Variants in PRKG1 observed in about 807,000 individuals in gnomAD.
The protein encoded by PRKG1 is protein kinase cGMP-dependent 1.
In PRKG1, 35 loss-of-function variants were observed where a neutral mutation model predicts 88.1. The ratio of observed to expected loss-of-function variants is 0.40; its 90% CI spans 0.30 to 0.53. The LOEUF (loss-of-function observed/expected upper bound fraction) is 0.53, where lower values mean the gene tolerates loss of function less well. Among genes scored for constraint, PRKG1 ranks in the 20% least tolerant of loss-of-function variants. The probability of loss-of-function intolerance (pLI) is 0.59; values close to 1 mark genes in which losing one functional copy is unlikely to be tolerated. For missense variants in PRKG1, 540 were observed against 839.8 expected (o/e 0.64, Z 4.41); for synonymous variants, 303 against 292.5 (o/e 1.04, Z -0.37).
intron 2 of PRKG1, among the ~76,000 whole-genome samples, chr10:51,282,018 G>A (rs892428330): frequency 2.0e-5 from 3 of 152,126 alleles, no homozygotes; most frequent in Admixed American, 2.0e-4. Context: ...ATGGCTAGTT[G>A]CAAACTATTC....
chr10:51,999,753 A>C (rs1302538226), intron 5 of PRKG1, among the ~76,000 whole-genome samples: 1 of 152,110 alleles, frequency 6.6e-6, no homozygotes, highest in Non-Finnish European at 1.5e-5. Flanking sequence ...AATTTATAAA[A>C]ATTCAGGTAC....
Position 51,808,392 on chromosome 10 carries a change from T to A in PRKG1, c.698+3702T>A, listed in dbSNP as rs754019168. Among the ~76,000 whole-genome samples, 9 of 151,898 alleles carry A rather than the reference T, an allele frequency of 5.9e-5. No homozygotes were observed. In the South Asian group the frequency reaches 1.0e-3, roughly 18 times the overall value. On this transcript the variant is annotated intron_variant, in intron 4 of 17. Transcript: ENST00000373980. ...TGGGCGGATTGTTTGAGCTCAGGAGTTTGAAACCAGCTTGGTCAACATGTG... is the reference window on the plus strand; with the variant it reads ...TGGGCGGATTGTTTGAGCTCAGGAGATTGAAACCAGCTTGGTCAACATGTG...
intron 3 of PRKG1, among the ~76,000 whole-genome samples, chr10:51,740,563 T>C (rs1191172030): frequency 6.6e-6 from 1 of 152,220 alleles, no homozygotes; most frequent in East Asian, 1.9e-4. Flanking sequence ...TATCTACTTT[T>C]CATTCTTTCT....
At chr10:51,223,617 A>G (rs1369700477) in intron 2 of PRKG1, among the ~76,000 whole-genome samples, 1 of 152,244 alleles carries the variant, frequency 6.6e-6, no homozygotes, top group East Asian at 1.9e-4. Context: ...ATATTTCTAC[A>G]GACATAAATT....
At chr10:51,196,297 G>A in intron 2 of PRKG1, among the ~76,000 whole-genome samples, 1 of 152,116 alleles carries the variant, frequency 6.6e-6, no homozygotes, top group East Asian at 1.9e-4. Context: ...GCATGTATTT[G>A]AAGGCTTATA....
At chr10:51,664,682 CA>C (rs1840380617) in intron 3 of PRKG1, among the ~76,000 whole-genome samples, 2 of 152,062 alleles carry the variant, frequency 1.3e-5, no homozygotes, top group Admixed American at 1.3e-4. Context: ...AGAAAGATCT[CA>C]AAACTCCATC....
At chr10:51,235,604 T>A (rs1403144221) in intron 2 of PRKG1, among the ~76,000 whole-genome samples, 1 of 152,220 alleles carries the variant, frequency 6.6e-6, no homozygotes, top group Non-Finnish European at 1.5e-5. Context: ...TTATGATGAC[T>A]TTTTAATTTA....
chr10:51,092,998 C>T lies in PRKG1; in HGVS notation c.311+18097C>T, dbSNP rs75885271. 4.7e-3 allele frequency among the ~76,000 whole-genome samples: 718 copies of T among 152,234 alleles called. 6 individuals are homozygous for T. Among genetic ancestry groups the T allele is most frequent in the African/African-American group, 0.016 (674 of 41,538 alleles). On this transcript the variant is annotated intron_variant, in intron 1 of 17. Coordinates refer to ENST00000373980, the MANE Select transcript of PRKG1 (RefSeq NM_006258.4). ...AAGGATTTAGAGGATTTTATAAAAACGCATGTGATGCAACAGGATTTTCAA... is the reference window on the plus strand; with the variant it reads ...AAGGATTTAGAGGATTTTATAAAAATGCATGTGATGCAACAGGATTTTCAA...
chr10:51,129,640 A>G (rs746315516), intron 1 of PRKG1, among the ~76,000 whole-genome samples: 4 of 152,154 alleles, frequency 2.6e-5, no homozygotes, highest in Non-Finnish European at 5.9e-5. Context: ...AGTCTTTGGA[A>G]TTTAAACTTG....
chr10:51,483,679 G>T (rs1333365909), intron 3 of PRKG1, among the ~76,000 whole-genome samples: 2 of 152,142 alleles, frequency 1.3e-5, no homozygotes, highest in East Asian at 3.9e-4. Flanking sequence ...GGCCTTCAAG[G>T]TTGTTGACTT....
At chr10:52,072,566 A>G (rs568601236) in intron 7 of PRKG1, among the ~76,000 whole-genome samples, 13 of 152,328 alleles carry the variant, frequency 8.5e-5, no homozygotes, top group Admixed American at 7.8e-4. Context: ...TCCCTTGGAC[A>G]AAAGTAAACT....
At chr10:52,044,537 T>C (rs1005148286) in intron 5 of PRKG1, among the ~76,000 whole-genome samples, 1 of 152,186 alleles carries the variant, frequency 6.6e-6, no homozygotes, top group African/African-American at 2.4e-5. Flanking sequence ...TGAAAGTTTA[T>C]GGCTTTTGTA....
intron 2 of PRKG1, among the ~76,000 whole-genome samples, chr10:51,271,355 A>G (rs1480932824): frequency 6.6e-6 from 1 of 151,748 alleles, no homozygotes; most frequent in African/African-American, 2.4e-5. Flanking sequence ...CTAGTTTCCC[A>G]TGGATACAGA....
At chr10:51,310,281 G>T (rs1309994004) in intron 2 of PRKG1, among the ~76,000 whole-genome samples, 3 of 152,120 alleles carry the variant, frequency 2.0e-5, no homozygotes, top group Non-Finnish European at 4.4e-5. Context: ...TTGGAACACA[G>T]CTCTCACCTG....
chr10:51,531,787 G>A (rs1459447329), intron 3 of PRKG1, among the ~76,000 whole-genome samples: 5 of 151,542 alleles, frequency 3.3e-5, no homozygotes, highest in African/African-American at 4.9e-5. Context: ...TGGGATTACA[G>A]GCTCCCGACA....
chr10:51,348,685 G>T (rs1842168997), intron 2 of PRKG1, among the ~76,000 whole-genome samples: 1 of 152,180 alleles, frequency 6.6e-6, no homozygotes, highest in Admixed American at 6.5e-5. Context: ...AGTCTAGTGA[G>T]AACTCGACCT....
At chr10:52,158,410 A>G (rs1838184288) in intron 8 of PRKG1, among the ~76,000 whole-genome samples, 1 of 151,598 alleles carries the variant, frequency 6.6e-6, no homozygotes, top group African/African-American at 2.4e-5. Flanking sequence ...TGTCTATTTG[A>G]TGAGGGTTCA....
intron 3 of PRKG1, among the ~76,000 whole-genome samples, chr10:51,670,015 C>A (rs1263015131): frequency 1.3e-5 from 2 of 151,930 alleles, no homozygotes; most frequent in Non-Finnish European, 2.9e-5. Flanking sequence ...GCCTATGATT[C>A]TTTGTTTTTA....
intron 1 of PRKG1, among the ~76,000 whole-genome samples, chr10:51,142,893 T>A (rs1479838645): frequency 6.6e-6 from 1 of 152,150 alleles, no homozygotes; most frequent in Non-Finnish European, 1.5e-5. Flanking sequence ...TCATGTACAA[T>A]ATGATGTTTT....
Sources: allele counts gnomAD v4.1 joint callset (sites outside exome capture counted in the v4.1 genomes callset), GRCh38; gene constraint gnomAD v4.1.1; transcripts MANE v1.5; gene names NCBI Gene and HGNC (gene_info 2026-07-23, HGNC 2026-07-21).